The following IFT80 variants were observed in gnomAD, a reference collection of about 807,000 sequenced individuals.
IFT80 encodes intraflagellar transport 80, also known as intraflagellar transport protein 80 homolog.
In IFT80, 79 loss-of-function variants were observed where a neutral mutation model predicts 107.9. The ratio of observed to expected loss-of-function variants is 0.73; its 90% CI spans 0.61 to 0.88. The LOEUF (loss-of-function observed/expected upper bound fraction) is 0.88, where lower values mean the gene tolerates loss of function less well. IFT80 is among the 40% of genes least tolerant of loss of function. The pLI, the probability that IFT80 is intolerant of heterozygous loss-of-function variation, is 0.00. For synonymous variants in IFT80, 299 were observed against 300.9 expected (o/e 0.99, Z 0.07); for missense variants, 797 against 914.2 (o/e 0.87, Z 1.65).
intron 8 of IFT80, among the ~76,000 whole-genome samples, chr3:160,323,898 A>G (rs1718472262): frequency 6.6e-6 from 1 of 152,028 alleles, no homozygotes; most frequent in Non-Finnish European, 1.5e-5. Context: ...TAATAAAGAA[A>G]AAAAGAGAGA....
intron 8 of IFT80, among the ~76,000 whole-genome samples, chr3:160,355,352 G>A (rs368292715): frequency 6.6e-6 from 1 of 152,208 alleles, no homozygotes; most frequent in South Asian, 2.1e-4. Context: ...GGGCTCCAGT[G>A]AGCCTCCCAC....
At chr3:160,322,178 C>T (rs1299927240) in intron 8 of IFT80, among the ~76,000 whole-genome samples, 1 of 149,666 alleles carries the variant, frequency 6.7e-6, no homozygotes, top group East Asian at 1.9e-4. Flanking sequence ...AATGCTATCC[C>T]TCCTCCCTCC....
intron 6 of IFT80, among the ~76,000 whole-genome samples, chr3:160,363,064 G>T (rs1006121113): frequency 6.6e-6 from 1 of 152,180 alleles, no homozygotes; most frequent in Non-Finnish European, 1.5e-5. Flanking sequence ...ATTAGGAAAA[G>T]AGGAAGTCAA....
At chr3:160,382,919 A>T (rs997850487) in intron 2 of IFT80, among the ~76,000 whole-genome samples, 2 of 152,210 alleles carry the variant, frequency 1.3e-5, no homozygotes, top group African/African-American at 4.8e-5. Context: ...ATAAAGAGAC[A>T]CCAGAATACT....
intron 3 of IFT80, among the ~76,000 whole-genome samples, chr3:160,378,238 T>C (rs1712185168): frequency 6.8e-6 from 1 of 147,842 alleles, no homozygotes; most frequent in South Asian, 2.1e-4. Context: ...TTTTATAGCC[T>C]ATAAAAAAAA....
chr3:160,281,856 T>C (rs569630610), intron 14 of IFT80, among the ~76,000 whole-genome samples: 2 of 152,252 alleles, frequency 1.3e-5, no homozygotes, highest in African/African-American at 2.4e-5. Flanking sequence ...GGCAGAAGGG[T>C]TGCAACTCCC....
At chr3:160,307,608 C>T (rs1006726959) in intron 10 of IFT80, 55 bp downstream of exon 10, 8 of 958,672 alleles carry the variant, frequency 8.3e-6, no homozygotes, top group Non-Finnish European at 1.4e-5. Context: ...TGAAAATAAA[C>T]TCCTCAGCAC....
intron 9 of IFT80, among the ~76,000 whole-genome samples, chr3:160,313,901 C>T (rs934162222): frequency 1.3e-5 from 2 of 152,100 alleles, no homozygotes; most frequent in African/African-American, 2.4e-5. Flanking sequence ...AGCCATCGTG[C>T]CCGGCCTCTG....
chr3:160,308,331 A>G (rs1199193629), intron 9 of IFT80, among the ~76,000 whole-genome samples: 4 of 152,062 alleles, frequency 2.6e-5, no homozygotes, highest in African/African-American at 4.8e-5. Context: ...AAACACAAAG[A>G]CAGTGTCTAA....
intron 5 of IFT80, among the ~76,000 whole-genome samples, chr3:160,367,007 A>G (rs1291689452): frequency 6.6e-6 from 1 of 152,066 alleles, no homozygotes; most frequent in Admixed American, 6.6e-5. Flanking sequence ...CATCCCACAA[A>G]TAAGTGAGAA....
chr3:160,373,711 T>TA (rs1711740436), intron 5 of IFT80: 1 of 168,566 alleles, frequency 5.9e-6, no homozygotes, highest in African/African-American at 2.4e-5. Context: ...CATCAGGCAT[T>TA]AGATTCTCAT....
At chr3:160,290,422 AAAG>A (rs1715460942) in intron 12 of IFT80, among the ~76,000 whole-genome samples, 1 of 150,748 alleles carries the variant, frequency 6.6e-6, no homozygotes, top group African/African-American at 2.5e-5. Context: ...AGAAAAAAAA[AAAG>A]AAAAAAAAAA....
At chr3:160,312,667 T>TATATATAATA (rs1559933476) in intron 9 of IFT80, among the ~76,000 whole-genome samples, 85 of 31,072 alleles carry the variant, frequency 2.7e-3, no homozygotes, top group Non-Finnish European at 3.3e-3. Flanking sequence ...ATATAATATA[T>TATATATAATA]AATATATATA....
At chr3:160,373,244 G>A (rs1711684561) in intron 5 of IFT80, among the ~76,000 whole-genome samples, 2 of 152,222 alleles carry the variant, frequency 1.3e-5, no homozygotes, top group African/African-American at 4.8e-5. Context: ...TCTCCACCAT[G>A]CTAATGGGCC....
At chr3:160,284,412 T>A (rs1439638408) in intron 13 of IFT80, among the ~76,000 whole-genome samples, 1 of 152,188 alleles carries the variant, frequency 6.6e-6, no homozygotes, top group Non-Finnish European at 1.5e-5. Flanking sequence ...GGAAAAACTC[T>A]GCTTATATAG....
At chr3:160,380,586 T>TA (rs1712403400) in intron 3 of IFT80, among the ~76,000 whole-genome samples, 1 of 152,148 alleles carries the variant, frequency 6.6e-6, no homozygotes, top group African/African-American at 2.4e-5. Flanking sequence ...GTTAGCCAAA[T>TA]AAGTTTCTGT....
At chr3:160,355,213 A>C (rs1409680485) in intron 8 of IFT80, among the ~76,000 whole-genome samples, 1 of 152,188 alleles carries the variant, frequency 6.6e-6, no homozygotes, top group Non-Finnish European at 1.5e-5. Flanking sequence ...CATGTATTCA[A>C]ATATGAATTC....
chr3:160,268,908 A>T, intron 18 of IFT80: 1 of 206,468 alleles, frequency 4.8e-6, no homozygotes. Flanking sequence ...AGTAATACAG[A>T]GTACATATGT....
chr3:160,264,599 C>CTTT (rs567273435), intron 19 of IFT80, among the ~76,000 whole-genome samples: 1 of 125,280 alleles, frequency 8.0e-6, no homozygotes, highest in East Asian at 2.3e-4. Flanking sequence ...GTCCAGCTAA[C>CTTT]TTTTTTTTTT....
Sources: allele counts gnomAD v4.1 joint callset (sites outside exome capture counted in the v4.1 genomes callset), GRCh38; gene constraint gnomAD v4.1.1; transcripts MANE v1.5; gene names NCBI Gene and HGNC (gene_info 2026-07-23, HGNC 2026-07-21).